Variants in PPP2R2A observed in about 807,000 individuals in gnomAD.
The protein encoded by PPP2R2A is protein phosphatase 2 regulatory subunit Balpha, also known as serine/threonine-protein phosphatase 2A 55 kDa regulatory subunit B alpha isoform.
In PPP2R2A, 9 loss-of-function variants were observed where a neutral mutation model predicts 53.2. That is an observed-to-expected ratio of 0.17 (90% CI 0.10 to 0.30). The LOEUF is 0.30. Among genes scored for constraint, PPP2R2A ranks in the 10% least tolerant of loss-of-function variants. The pLI is 1.00. For synonymous variants in PPP2R2A, 169 were observed against 174.2 expected (o/e 0.97, Z 0.23); for missense variants, 235 against 534.6 (o/e 0.44, Z 5.53).
chr8:26,346,783 A>T (rs1804242247), intron 3 of PPP2R2A, among the ~76,000 whole-genome samples: 1 of 152,194 alleles, frequency 6.6e-6, no homozygotes, highest in African/African-American at 2.4e-5. Flanking sequence ...TTTCTAGCGA[A>T]CTTCATCTGT....
At chr8:26,328,883 TTAC>T (rs1283928587) in intron 2 of PPP2R2A, among the ~76,000 whole-genome samples, 1 of 152,218 alleles carries the variant, frequency 6.6e-6, no homozygotes, top group African/African-American at 2.4e-5. Context: ...GATAATCTCA[TTAC>T]TACAAGTGAT....
chr8:26,297,113 T>C (rs1457511577), intron 2 of PPP2R2A, among the ~76,000 whole-genome samples: 1 of 151,944 alleles, frequency 6.6e-6, no homozygotes, highest in African/African-American at 2.4e-5. Flanking sequence ...CCAAATTCTT[T>C]TGGTGTGTGT....
At chr8:26,352,476 C>T (rs185899115) in intron 3 of PPP2R2A, among the ~76,000 whole-genome samples, 21 of 152,246 alleles carry the variant, frequency 1.4e-4, no homozygotes, top group Non-Finnish European at 1.5e-5. Flanking sequence ...TACTCTTTGT[C>T]CTGTGGACTT....
At chr8:26,301,329 CTTTTTTTTG>C (rs1309122704) in intron 2 of PPP2R2A, among the ~76,000 whole-genome samples, 1 of 141,370 alleles carries the variant, frequency 7.1e-6, no homozygotes, top group African/African-American at 2.6e-5. Flanking sequence ...TTTCCTTTTT[CTTTTTTTTG>C]TTTTTTTTTT....
rs755365721 is a variant in PPP2R2A, at chr8:26,293,841, G to T, written c.82+101G>T. 3 of 1,074,096 alleles carry T rather than the reference G, an allele frequency of 2.8e-6. No individual in the cohort carries two copies. In the African/African-American group the frequency reaches 4.8e-5, roughly 17 times the overall value. The allele number at this position is 1,074,096 out of a possible 1,614,324, so 66.5% of individuals were successfully genotyped here. A position where few individuals can be genotyped will look rare whatever the true frequency, so the allele number is the denominator to read the frequency against. ...GCCGAGACTGCTATAAATTCAAGAT[G>T]ATTTTGTTGTCCAAGAAATGTAAGA... On this transcript the variant is annotated intron_variant, in intron 2 of 9. Coordinates refer to ENST00000380737, the MANE Select transcript of PPP2R2A (RefSeq NM_002717.4).
chr8:26,311,175 A>T (rs371934297), intron 2 of PPP2R2A, among the ~76,000 whole-genome samples: 14 of 152,220 alleles, frequency 9.2e-5, no homozygotes, highest in African/African-American at 3.1e-4. Flanking sequence ...TAGAGGATTA[A>T]ATATACATGA....
At chr8:26,325,624 T>A (rs1803049871) in intron 2 of PPP2R2A, among the ~76,000 whole-genome samples, 1 of 152,204 alleles carries the variant, frequency 6.6e-6, no homozygotes. Context: ...GGCTTTCATC[T>A]GTAGCTGTCC....
chr8:26,362,803 C>A lies in PPP2R2A; in HGVS notation c.757C>A (p.Leu253Ile). 3 of 1,614,066 alleles carry A rather than the reference C, an allele frequency of 1.9e-6. No individual in the cohort carries two copies. The highest frequency in any genetic ancestry group is 2.5e-6 in the Non-Finnish European group (3 of 1,179,978). ...VYSSSKGTIRLCDMRASALCD... is the reference protein window; with the variant it reads ...VYSSSKGTIRICDMRASALCD... ...CAGCAGCAGTAAAGGAACTATTCGG[C>A]TATGTGACATGAGGGCATCTGCCCT... Residue 253 changes from leucine to isoleucine, a missense_variant, in exon 7 of 10, where the codon CTA becomes ATA. Around this residue, in one of 3 missense-constraint regions of PPP2R2A, gnomAD observed 181 missense variants for 409.9 expected, o/e 0.44. Transcript: ENST00000380737. This position sits in a 1 kb window ranked among gnomAD's most constrained non-coding sequence, Gnocchi z 4.4.
intron 3 of PPP2R2A, among the ~76,000 whole-genome samples, chr8:26,343,067 ATG>A (rs1031211689): frequency 6.6e-6 from 1 of 152,036 alleles, no homozygotes. Context: ...AATCCCAGCT[ATG>A]TGACTGAAAT....
rs368064383 is a variant in PPP2R2A, at chr8:26,298,007, A to G, written c.82+4267A>G. Among the ~76,000 whole-genome samples, 144 of 152,346 alleles carry G rather than the reference A, an allele frequency of 9.5e-4. 3 individuals carry two copies. The South Asian group carries it at 0.027, about 29-fold the overall frequency. Reference sequence around the variant, plus strand: ...GCTGGTAAAACTATGAAGAAAAGCTATGAAGTAAAAGGAAAAAAACATACT... The same window carrying G: ...GCTGGTAAAACTATGAAGAAAAGCTGTGAAGTAAAAGGAAAAAAACATACT... On this transcript the variant is annotated intron_variant, in intron 2 of 9. Transcript: ENST00000380737.
chr8:26,352,718 GTGT>G (rs1161749230), intron 3 of PPP2R2A, among the ~76,000 whole-genome samples: 3 of 152,132 alleles, frequency 2.0e-5, no homozygotes, highest in African/African-American at 7.2e-5. Flanking sequence ...TAGTAGACCT[GTGT>G]TGTTGTCCAC....
chr8:26,338,077 T>A lies in PPP2R2A; in HGVS notation c.83-813T>A, dbSNP rs1803760234. ...TAAATGCACATGATAGGGGCTTTTC[T>A]AATTCAGCTTAATGCTTTATAGTGA... On this transcript the variant is annotated intron_variant, in intron 2 of 9. Transcript: ENST00000380737. The surrounding 1 kb of genome is among the most constrained non-coding windows in gnomAD (Gnocchi z 4.5). Among the ~76,000 whole-genome samples the A allele has an allele frequency of 6.6e-6, 1 of 152,248 alleles. No individual in the cohort carries two copies. The highest frequency in any genetic ancestry group is 6.5e-5 in the Admixed American group (1 of 15,282).
Position 26,372,028 on chromosome 8 carries a change from A to G in PPP2R2A, c.*1615A>G, listed in dbSNP as rs1223168925. The G allele has an allele frequency of 1.3e-5, 2 of 152,160 alleles. No homozygotes were observed. Among genetic ancestry groups the G allele is most frequent in the Admixed American group, 6.5e-5 (1 of 15,268 alleles). 9.4% of individuals were successfully genotyped at this position (152,160 alleles called of 1,614,324 possible). A position where few individuals can be genotyped will look rare whatever the true frequency, so the allele number is the denominator to read the frequency against. On this transcript the variant is annotated 3_prime_UTR_variant, in exon 10 of 10. Coordinates refer to ENST00000380737, the MANE Select transcript of PPP2R2A (RefSeq NM_002717.4). ...CTGAGTGCTTCTATGTCCACTACCTATTGTTCTATTCTTCAATAATGAAAA... is the reference window on the plus strand; with the variant it reads ...CTGAGTGCTTCTATGTCCACTACCTGTTGTTCTATTCTTCAATAATGAAAA...
chr8:26,330,307 C>CTTTTTTTTTTTTTTTTTTTTTTTTT (rs11351968), intron 2 of PPP2R2A, among the ~76,000 whole-genome samples: 1 of 129,950 alleles, frequency 7.7e-6, no homozygotes, highest in Admixed American at 7.8e-5. Context: ...ATTCTTTTTT[C>CTTTTTTTTTTTTTTTTTTTTTTTTT]TTTTTTTTTT....
At chr8:26,318,295 C>T (rs1423976747) in intron 2 of PPP2R2A, among the ~76,000 whole-genome samples, 1 of 152,032 alleles carries the variant, frequency 6.6e-6, no homozygotes, top group Admixed American at 6.5e-5. Flanking sequence ...TGACATGAAA[C>T]AATTGGAAAT....
chr8:26,370,725 CATTGTG>C lies in PPP2R2A; in HGVS notation c.*315_*320del, dbSNP rs1365860570. ...GATTTACTCCACTTTTTATGCCTTCCATTGTGATGACGTCAAACACAGTGAAAGCCT... is the reference window on the plus strand; with the variant it reads ...GATTTACTCCACTTTTTATGCCTTCCATGACGTCAAACACAGTGAAAGCCT... On this transcript the variant is annotated 3_prime_UTR_variant, in exon 10 of 10. Transcript: ENST00000380737. This position sits in a 1 kb window ranked among gnomAD's most constrained non-coding sequence, Gnocchi z 6.1. 5.7e-6 allele frequency: 2 copies of C among 352,658 alleles called. No homozygotes were observed. The highest frequency in any genetic ancestry group is 8.5e-5 in the Admixed American group (2 of 23,628). The allele number at this position is 352,658 out of a possible 1,614,324, so 21.8% of individuals were successfully genotyped here. A position where few individuals can be genotyped will look rare whatever the true frequency, so the allele number is the denominator to read the frequency against.
chr8:26,315,780 TG>T (rs1254423410), intron 2 of PPP2R2A, among the ~76,000 whole-genome samples: 4 of 152,208 alleles, frequency 2.6e-5, no homozygotes, highest in Non-Finnish European at 4.4e-5. Context: ...GCGTTTTCTT[TG>T]TTCTTATTTT....
intron 2 of PPP2R2A, among the ~76,000 whole-genome samples, chr8:26,330,938 A>G (rs1030170249): frequency 6.6e-6 from 1 of 152,130 alleles, no homozygotes; most frequent in Non-Finnish European, 1.5e-5. Context: ...TTTAGTGCTG[A>G]TTTAGCCTGA....
At chr8:26,314,618 A>G (rs1802449648) in intron 2 of PPP2R2A, among the ~76,000 whole-genome samples, 1 of 151,996 alleles carries the variant, frequency 6.6e-6, no homozygotes, top group Non-Finnish European at 1.5e-5. Context: ...GCTGGTTAAC[A>G]TTTTCCGTTA....
Sources: allele counts gnomAD v4.1 joint callset (sites outside exome capture counted in the v4.1 genomes callset), GRCh38; gene constraint gnomAD v4.1.1; regional missense constraint gnomAD v4.1.1; non-coding constraint Gnocchi (gnomAD v3.1); transcripts MANE v1.5; gene names NCBI Gene and HGNC (gene_info 2026-07-23, HGNC 2026-07-21).